The following SNX29 variants were observed in gnomAD, a reference collection of about 807,000 sequenced individuals.
The protein encoded by SNX29 is sorting nexin 29.
In SNX29, 78 loss-of-function variants were observed where a neutral mutation model predicts 102.1. That is an observed-to-expected ratio of 0.76 (90% CI 0.64 to 0.92). The LOEUF (loss-of-function observed/expected upper bound fraction) is 0.92, where lower values mean the gene tolerates loss of function less well. Ranked by LOEUF, SNX29 falls within the 40% of genes least tolerant of loss-of-function variation. The pLI is 0.00. For missense variants in SNX29, 1,280 were observed against 1,061.7 expected, an observed-to-expected ratio of 1.21 and a Z score of -2.86; for synonymous variants, 580 against 414.5, an observed-to-expected ratio of 1.40 and a Z score of -4.85.
At chr16:12,401,071 TCC>T (rs2083921032) in intron 17 of SNX29, among the ~76,000 whole-genome samples, 11 of 152,114 alleles carry the variant, frequency 7.2e-5, no homozygotes, top group Admixed American at 7.2e-4. Context: ...GACCTCGTGA[TCC>T]GCCTACCTCG....
chr16:12,163,338 G>C (rs376590794), intron 13 of SNX29, among the ~76,000 whole-genome samples: 1 of 152,272 alleles, frequency 6.6e-6, no homozygotes, highest in East Asian at 1.9e-4. Context: ...TGGGTGAGGT[G>C]GGGTAGCAGG....
chr16:12,547,282 C>T (rs572174928), intron 20 of SNX29, among the ~76,000 whole-genome samples: 4 of 152,154 alleles, frequency 2.6e-5, no homozygotes, highest in Non-Finnish European at 4.4e-5. Flanking sequence ...GAGTTGGCCC[C>T]TGGGAGAAAC....
At chr16:12,304,802 A>G (rs950000522) in intron 15 of SNX29, among the ~76,000 whole-genome samples, 4 of 152,212 alleles carry the variant, frequency 2.6e-5, no homozygotes, top group African/African-American at 7.2e-5. Flanking sequence ...AAAAGAGAGG[A>G]TATGAACTAT....
intron 14 of SNX29, among the ~76,000 whole-genome samples, chr16:12,264,887 C>A (rs1015312218): frequency 5.3e-5 from 8 of 152,164 alleles, no homozygotes; most frequent in Admixed American, 1.3e-4. Context: ...GTGCTCAGAC[C>A]TCCGTGTACA....
intron 4 of SNX29, among the ~76,000 whole-genome samples, chr16:12,032,956 G>A (rs1052363547): frequency 1.3e-5 from 2 of 152,116 alleles, no homozygotes; most frequent in African/African-American, 4.8e-5. Context: ...CCAGGTTCAA[G>A]TGATTCTCCT....
chr16:11,976,918 A>G (rs919026749), intron 1 of SNX29, 105 bp downstream of exon 1: 2 of 1,261,744 alleles, frequency 1.6e-6, no homozygotes, highest in African/African-American at 3.1e-5. Context: ...TCCCTCGCAG[A>G]CCCCCTCCCA....
intron 20 of SNX29, among the ~76,000 whole-genome samples, chr16:12,543,821 G>A (rs971411896): frequency 6.6e-6 from 1 of 152,240 alleles, no homozygotes. Context: ...ATGAGACAGG[G>A]ACACCTTCGT....
chr16:12,554,876 T>C (rs7198011), intron 20 of SNX29, among the ~76,000 whole-genome samples: 62,224 of 151,918 alleles, frequency 0.41, 13,842 homozygotes, highest in East Asian at 0.85. Flanking sequence ...GACAAAGATA[T>C]GTCAGCATGC....
At chr16:12,111,168 G>A (rs1379115518) in intron 11 of SNX29, among the ~76,000 whole-genome samples, 1 of 152,116 alleles carries the variant, frequency 6.6e-6, no homozygotes, top group Non-Finnish European at 1.5e-5. Flanking sequence ...CTACTGAGGC[G>A]ATCTGCTGCA....
rs553338177 is a variant in SNX29 at position 12,481,045 on chromosome 16, C to A, written c.2178+3186C>A. The stretch of plus-strand genomic sequence containing the variant: ...AGAGACAATCTGTCCCTGCTCATCC[C>A]GAGGCTGATTCCTCACAGCAGCAAA... On this transcript the variant is annotated intron_variant, in intron 19 of 20. Coordinates refer to ENST00000566228, the MANE Select transcript of SNX29 (RefSeq NM_032167.5). 2.0e-5 allele frequency among the ~76,000 whole-genome samples: 3 copies of A among 152,270 alleles called. No individual in the cohort carries two copies. The East Asian group carries it at 5.8e-4, about 29-fold the overall frequency.
At chr16:12,554,992 T>A (rs1283956649) in intron 20 of SNX29, among the ~76,000 whole-genome samples, 1 of 151,742 alleles carries the variant, frequency 6.6e-6, no homozygotes. Flanking sequence ...CCGGAGCACC[T>A]TTCTTTCTTG....
intron 19 of SNX29, among the ~76,000 whole-genome samples, chr16:12,500,796 G>A (rs952981623): frequency 6.6e-6 from 1 of 152,222 alleles, no homozygotes; most frequent in African/African-American, 2.4e-5. Context: ...GCATACACAA[G>A]CAAGTTTGAG....
chr16:12,219,037 G>T (rs577525584), intron 14 of SNX29, among the ~76,000 whole-genome samples: 51 of 152,288 alleles, frequency 3.3e-4, no homozygotes, highest in African/African-American at 1.1e-3. Flanking sequence ...GCCTCCCAAA[G>T]TGCTGGGATT....
intron 13 of SNX29, among the ~76,000 whole-genome samples, chr16:12,174,288 G>C (rs778255847): frequency 3.9e-5 from 6 of 152,214 alleles, no homozygotes; most frequent in African/African-American, 9.6e-5. Context: ...TTATGATGTG[G>C]GAAGTTTGGT....
intron 18 of SNX29, among the ~76,000 whole-genome samples, chr16:12,425,891 A>G (rs79891533): frequency 0.035 from 5,402 of 152,230 alleles, 160 homozygotes; most frequent in South Asian, 0.063. Flanking sequence ...TGCTGTACCC[A>G]CAAAACTTGG....
chr16:12,015,928 A>G (rs1483707791), intron 3 of SNX29, among the ~76,000 whole-genome samples: 1 of 145,838 alleles, frequency 6.9e-6, no homozygotes, highest in Non-Finnish European at 1.5e-5. Context: ...GCAGTGGTGC[A>G]ATCTTGGCTC....
intron 20 of SNX29, chr16:12,527,284 C>A: frequency 1.9e-6 from 1 of 532,316 alleles, no homozygotes; most frequent in East Asian, 4.0e-5. Context: ...GTCCTTTCTC[C>A]ATGTGCTGCC....
intron 15 of SNX29, among the ~76,000 whole-genome samples, chr16:12,315,351 C>T (rs770192913): frequency 1.3e-5 from 2 of 152,176 alleles, no homozygotes; most frequent in African/African-American, 2.4e-5. Context: ...CCTTGTGGAT[C>T]TAACGCCTCT....
intron 13 of SNX29, among the ~76,000 whole-genome samples, chr16:12,159,829 A>G (rs1048985427): frequency 6.6e-6 from 1 of 152,182 alleles, no homozygotes; most frequent in Non-Finnish European, 1.5e-5. Context: ...CAGGAAGTAC[A>G]AGGTCCTTTG....
Sources: gnomAD v4.1 joint callset for allele counts (sites outside exome capture counted in the v4.1 genomes callset) on GRCh38, gnomAD v4.1.1 for gene constraint, MANE v1.5 for transcripts, NCBI Gene and HGNC (gene_info 2026-07-23, HGNC 2026-07-21) for gene names.